Variants in TRABD2B observed in about 807,000 individuals in gnomAD.
TRABD2B encodes the protein TraB domain containing 2B.
A neutral mutation model predicts 40.1 loss-of-function variants in TRABD2B; 14 were observed. The observed-to-expected ratio is 0.35, with a 90% CI of 0.23 to 0.55. TRABD2B has a LOEUF of 0.55. Ranked by LOEUF, TRABD2B falls within the 20% of genes least tolerant of loss-of-function variation. The pLI is 0.90. For synonymous variants in TRABD2B, 263 were observed against 277.0 expected (o/e 0.95, Z 0.50); for missense variants, 541 against 648.6 (o/e 0.83, Z 1.80).
At chr1:47,980,767 C>A (rs973645416) in intron 2 of TRABD2B, among the ~76,000 whole-genome samples, 34 of 152,190 alleles carry the variant, frequency 2.2e-4, no homozygotes, top group African/African-American at 6.8e-4. Context: ...GCTCTGAATG[C>A]CCACCACAGA....
intron 2 of TRABD2B, among the ~76,000 whole-genome samples, chr1:47,911,050 G>A (rs771306435): frequency 6.6e-6 from 1 of 152,218 alleles, no homozygotes; most frequent in Non-Finnish European, 1.5e-5. Context: ...AGTGAAAGGA[G>A]CCTGAACCCT....
At chr1:47,924,784 T>C (rs1314620105) in intron 2 of TRABD2B, among the ~76,000 whole-genome samples, 1 of 152,202 alleles carries the variant, frequency 6.6e-6, no homozygotes, top group Admixed American at 6.5e-5. Flanking sequence ...AGAAACTTCC[T>C]CTGGGGCCAT....
chr1:47,800,981 A>G (rs2124275968), intron 3 of TRABD2B, among the ~76,000 whole-genome samples: 1 of 152,224 alleles, frequency 6.6e-6, no homozygotes, highest in South Asian at 2.1e-4. Context: ...AGAGCAATGA[A>G]TGGGGAGGCA....
intron 2 of TRABD2B, among the ~76,000 whole-genome samples, chr1:47,867,544 A>T (rs188150561): frequency 1.3e-5 from 2 of 152,322 alleles, no homozygotes; most frequent in Non-Finnish European, 2.9e-5. Context: ...GAAAATGGTG[A>T]TCCCTTCCAA....
intron 4 of TRABD2B, among the ~76,000 whole-genome samples, chr1:47,788,283 T>C (rs146603786): frequency 2.0e-5 from 3 of 152,344 alleles, no homozygotes; most frequent in East Asian, 1.9e-4. Flanking sequence ...GTTGGTCTTA[T>C]ATCTCTCCCT....
At chr1:47,955,788 G>C (rs1158040516) in intron 2 of TRABD2B, among the ~76,000 whole-genome samples, 1 of 152,146 alleles carries the variant, frequency 6.6e-6, no homozygotes, top group African/African-American at 2.4e-5. Flanking sequence ...ACTGCTGACT[G>C]TGCTCATGTG....
intron 4 of TRABD2B, among the ~76,000 whole-genome samples, chr1:47,794,285 T>G (rs1426731531): frequency 6.6e-6 from 1 of 152,140 alleles, no homozygotes; most frequent in African/African-American, 2.4e-5. Context: ...GGCTGGGCAG[T>G]GGGAGCTGGC....
chr1:47,837,364 G>A (rs888358180), intron 2 of TRABD2B, among the ~76,000 whole-genome samples: 1 of 152,118 alleles, frequency 6.6e-6, no homozygotes, highest in Non-Finnish European at 1.5e-5. Flanking sequence ...GGGATCCAAG[G>A]GTGACCAGGC....
chr1:47,765,801 C>T lies in TRABD2B; in HGVS notation c.*101G>A, dbSNP rs554608716. The T allele has an allele frequency of 1.0e-4, 70 of 702,018 alleles. No homozygotes were observed. Among genetic ancestry groups the T allele is most frequent in the African/African-American group, 9.1e-4 (52 of 57,360 alleles). The allele number at this position is 702,018 out of a possible 1,614,324, so 43.5% of individuals were successfully genotyped here. On this transcript the variant is annotated 3_prime_UTR_variant, in exon 7 of 7. Coordinates refer to ENST00000606738, the MANE Select transcript of TRABD2B (RefSeq NM_001194986.2). ...TAGCCAATCCCATGTGGACTGCCCT[C>T]GACGTGTTGGGCACCCCCTGGAGGT...
chr1:47,795,673 A>G (rs1644738614), intron 3 of TRABD2B: 35 of 985,402 alleles, frequency 3.6e-5, no homozygotes, highest in Non-Finnish European at 4.0e-5. Context: ...CATTCAGCAC[A>G]TGCCACCCTA....
At chr1:47,918,103 A>G (rs1337312886) in intron 2 of TRABD2B, among the ~76,000 whole-genome samples, 2 of 152,260 alleles carry the variant, frequency 1.3e-5, no homozygotes, top group African/African-American at 4.8e-5. Flanking sequence ...AGGCCCAGTC[A>G]GAACATCACC....
chr1:47,840,674 C>A (rs896730280), intron 2 of TRABD2B, among the ~76,000 whole-genome samples: 1 of 152,074 alleles, frequency 6.6e-6, no homozygotes, highest in Non-Finnish European at 1.5e-5. Flanking sequence ...GGAATCAGGC[C>A]CCCCCAGGTC....
In TRABD2B at chr1:47,818,700, G is replaced by C. The variant is rs570173993; in HGVS notation, c.667-17081C>G. On this transcript the variant is annotated intron_variant, in intron 2 of 6. Transcript: ENST00000606738. The stretch of plus-strand genomic sequence containing the variant: ...GCTGTCCCTCACCAGGGAGAGGAAA[G>C]AGCGCTCCTCTCTCCAGCCTTGCTG... 2.6e-5 allele frequency: 4 copies of C among 152,390 alleles called. No individual in the cohort carries two copies. In the South Asian group the frequency reaches 8.3e-4, roughly 32 times the overall value. The allele number at this position is 152,390 out of a possible 1,614,324, so 9.4% of individuals were successfully genotyped here. A position where few individuals can be genotyped will look rare whatever the true frequency, so the allele number is the denominator to read the frequency against.
At chr1:47,983,268 G>C (rs1248888572) in intron 2 of TRABD2B, among the ~76,000 whole-genome samples, 1 of 152,108 alleles carries the variant, frequency 6.6e-6, no homozygotes, top group Non-Finnish European at 1.5e-5. Context: ...CTTCCAAGTG[G>C]GAGCTAAATG....
chr1:47,866,852 C>A (rs561668381), intron 2 of TRABD2B, among the ~76,000 whole-genome samples: 1 of 152,186 alleles, frequency 6.6e-6, no homozygotes, highest in African/African-American at 2.4e-5. Context: ...GCTGAAAGGC[C>A]TTGGGCGCCC....
intron 5 of TRABD2B, among the ~76,000 whole-genome samples, chr1:47,776,705 G>A (rs1644452158): frequency 6.6e-6 from 1 of 152,184 alleles, no homozygotes; most frequent in Non-Finnish European, 1.5e-5. Flanking sequence ...TGGGCAGCTT[G>A]CAAGGTTAGA....
chr1:47,961,847 C>G lies in TRABD2B; in HGVS notation c.666+32187G>C, dbSNP rs538090568. 1.2e-3 allele frequency among the ~76,000 whole-genome samples: 176 copies of G among 152,232 alleles called. 1 individual carries two copies. The South Asian group carries it at 0.026, about 22-fold the overall frequency. On this transcript the variant is annotated intron_variant, in intron 2 of 6. Coordinates refer to ENST00000606738, the MANE Select transcript of TRABD2B (RefSeq NM_001194986.2). The stretch of plus-strand genomic sequence containing the variant: ...AGAACTAGAAATACCATTTGACCCA[C>G]CCATCTCATTACTGGGTATATACCC...
At chr1:47,841,816 G>A (rs1330747960) in intron 2 of TRABD2B, among the ~76,000 whole-genome samples, 3 of 139,908 alleles carry the variant, frequency 2.1e-5, no homozygotes, top group Non-Finnish European at 3.0e-5. Flanking sequence ...ACAGAGTCTC[G>A]CTCTGTCATG....
intron 2 of TRABD2B, among the ~76,000 whole-genome samples, chr1:47,900,538 C>G (rs947064991): frequency 1.3e-5 from 2 of 152,106 alleles, no homozygotes; most frequent in Non-Finnish European, 2.9e-5. Context: ...GTGGGAGCAC[C>G]TAAAAGTGAA....
Sources: gnomAD v4.1 joint callset for allele counts (sites outside exome capture counted in the v4.1 genomes callset) on GRCh38, gnomAD v4.1.1 for gene constraint, MANE v1.5 for transcripts, NCBI Gene and HGNC (gene_info 2026-07-23, HGNC 2026-07-21) for gene names.